PPP1R12C: variants seen among roughly 807,000 people sequenced by gnomAD.
PPP1R12C encodes the protein leukocyte receptor cluster (LRC) encoded novel gene 3.
A neutral mutation model predicts 95.6 loss-of-function variants in PPP1R12C; 48 were observed. The observed-to-expected ratio is 0.50, with a 90% CI of 0.40 to 0.64. PPP1R12C has a LOEUF of 0.64. PPP1R12C is among the 30% of genes least tolerant of loss of function. The pLI, the probability that PPP1R12C is intolerant of heterozygous loss-of-function variation, is 0.00. For missense variants in PPP1R12C, 1,057 were observed against 1,083.3 expected (o/e 0.98, Z 0.34); for synonymous variants, 480 against 460.8 (o/e 1.04, Z -0.53).
At chr19:55,095,405 G>A in intron 10 of PPP1R12C, 40 bp downstream of exon 10, 7 of 1,564,934 alleles carry the variant, frequency 4.5e-6, no homozygotes, top group Non-Finnish European at 6.1e-6. Context: ...CCTCGACTGG[G>A]CAGGGGCCTG....
At chr19:55,098,502 G>A (rs1054700799) in intron 6 of PPP1R12C, among the ~76,000 whole-genome samples, 1 of 152,366 alleles carries the variant, frequency 6.6e-6, no homozygotes, top group Non-Finnish European at 1.5e-5. Flanking sequence ...GAGGTGATGA[G>A]GTGTGCTAAG....
intron 3 of PPP1R12C, among the ~76,000 whole-genome samples, chr19:55,107,023 T>C (rs1005408902): frequency 6.6e-6 from 1 of 151,938 alleles, no homozygotes; most frequent in African/African-American, 2.4e-5. Context: ...AGCAGAGTGA[T>C]AGAGAGATGC....
chr19:55,101,239 T>G (rs1289032979), intron 4 of PPP1R12C, among the ~76,000 whole-genome samples: 1 of 151,986 alleles, frequency 6.6e-6, no homozygotes, highest in East Asian at 1.9e-4. Context: ...AGAGCGAGAC[T>G]CCATCTCAAA....
chr19:55,112,464 C>T lies in PPP1R12C; in HGVS notation c.571+3G>A, dbSNP rs2147212167. 1 of 1,609,894 alleles carries T rather than the reference C, an allele frequency of 6.2e-7. No homozygotes were observed. Among genetic ancestry groups the T allele is most frequent in the Non-Finnish European group, 8.5e-7 (1 of 1,179,286 alleles). ...ACCCCACACACAGCACACCAGAGCC[C>T]ACCTCGGCGGGCGATCTCCGCCTTC... is the stretch of plus-strand genomic sequence containing the variant. On this transcript the variant is annotated splice_donor_region_variant and intron_variant, in intron 3 of 21. Coordinates refer to ENST00000263433, the MANE Select transcript of PPP1R12C (RefSeq NM_017607.4).
At chr19:55,097,924 C>T (rs2084940294) in intron 6 of PPP1R12C, among the ~76,000 whole-genome samples, 1 of 152,236 alleles carries the variant, frequency 6.6e-6, no homozygotes, top group African/African-American at 2.4e-5. Flanking sequence ...GTGGCCCTCC[C>T]GGGTCTGCCC....
At chr19:55,093,305 C>G in intron 13 of PPP1R12C, 72 bp from the exon 14 acceptor site, 2 of 1,208,548 alleles carry the variant, frequency 1.7e-6, no homozygotes, top group Non-Finnish European at 1.2e-6. Flanking sequence ...GACCCAGGAG[C>G]CCAGGCCCCA....
At chr19:55,095,749 A>T in intron 9 of PPP1R12C, 118 bp downstream of exon 9, 1 of 1,522,248 alleles carries the variant, frequency 6.6e-7, no homozygotes, top group South Asian at 1.1e-5. Context: ...GTTGTCCAGG[A>T]CGACTCTGGG....
At chr19:55,102,120 CAACTTT>C (rs1399629499) in intron 4 of PPP1R12C, among the ~76,000 whole-genome samples, 2 of 152,130 alleles carry the variant, frequency 1.3e-5, no homozygotes, top group African/African-American at 4.8e-5. Context: ...CTGGAACCAA[CAACTTT>C]AATAGAAAGG....
rs2084861721 is a variant in PPP1R12C at position 55,092,795 on chromosome 19, C to A, written c.1899G>T (p.Arg633Ser). Residue 633 changes from arginine to serine, a missense_variant, in exon 16 of 22, where the codon AGG becomes AGT. By Grantham distance (110) the Arg-to-Ser change is moderately radical. Transcript: ENST00000263433. ...REHRKVGKEW[R>S]GPAEGEEAEP... Reference sequence around the variant, plus strand: ...CTGAGCCCCTCACCTCCGCAGGCCCCCTCCACTCCTTTCCGACCTTGCGGT... The same window carrying A: ...CTGAGCCCCTCACCTCCGCAGGCCCACTCCACTCCTTTCCGACCTTGCGGT... 1 of 1,559,480 alleles carries A rather than the reference C, an allele frequency of 6.4e-7. No individual in the cohort carries two copies. The highest frequency in any genetic ancestry group is 1.4e-5 in the African/African-American group (1 of 73,412).
rs2084910432 is a variant in PPP1R12C, at chr19:55,096,186, G to A, written c.1026-8C>T. ...AGACGACACACAGAGCTCCTGTTGG[G>A]GAAGGAGAGGGTGCTGGGGTACAAG... is the stretch of plus-strand genomic sequence containing the variant. On this transcript the variant is annotated splice_region_variant and splice_polypyrimidine_tract_variant and intron_variant, in intron 7 of 21. Coordinates refer to ENST00000263433, the MANE Select transcript of PPP1R12C (RefSeq NM_017607.4). 1.9e-6 allele frequency: 3 copies of A among 1,608,328 alleles called. No individual in the cohort carries two copies. The highest frequency in any genetic ancestry group is 2.7e-5 in the African/African-American group (2 of 74,750).
Position 55,113,439 on chromosome 19 carries a change from C to A in PPP1R12C, c.322-644G>T, listed in dbSNP as rs921413842. 10 of 1,501,120 alleles carry A rather than the reference C, an allele frequency of 6.7e-6. No individual in the cohort carries two copies. In the African/African-American group the frequency reaches 1.1e-4, roughly 17 times the overall value. 93.0% of individuals were successfully genotyped at this position (1,501,120 alleles called of 1,614,324 possible). A position where few individuals can be genotyped will look rare whatever the true frequency, so the allele number is the denominator to read the frequency against. ...GTCACACTCCAGTTCACTGAGGCCC[C>A]CTCTGCACGGGGCCCTGCAGCCAGG... On this transcript the variant is annotated intron_variant, in intron 1 of 21. Coordinates refer to ENST00000263433, the MANE Select transcript of PPP1R12C (RefSeq NM_017607.4).
Position 55,092,537 on chromosome 19 carries a change from C to T in PPP1R12C, c.1960G>A (p.Glu654Lys), listed in dbSNP as rs1188360638. 1 of 1,603,004 alleles carries T rather than the reference C, an allele frequency of 6.2e-7. No homozygotes were observed. The highest frequency in any genetic ancestry group is 8.5e-7 in the Non-Finnish European group (1 of 1,175,400). Residue 654 changes from glutamate (E) to lysine (K), a missense_variant, in exon 18 of 22, where the codon GAG becomes AAG. Coordinates refer to ENST00000263433, the MANE Select transcript of PPP1R12C (RefSeq NM_017607.4). Reference sequence around the variant, plus strand: ...TGCCTGCGGGCCGAGGGGCCGCCCTCCAGGGTGCTGGGGCAGGGGAGGAGC... The same window carrying T: ...TGCCTGCGGGCCGAGGGGCCGCCCTTCAGGGTGCTGGGGCAGGGGAGGAGC... ...ADRSQESSTLEGGPSARRQRW... is the reference protein window; with the variant it reads ...ADRSQESSTLKGGPSARRQRW...
At chr19:55,092,909 C>T (rs1431632164) in intron 15 of PPP1R12C, 41 bp from the exon 16 acceptor site, 2 of 1,597,036 alleles carry the variant, frequency 1.3e-6, no homozygotes, top group Admixed American at 1.8e-5. Context: ...CCTCCAGAGC[C>T]CCCTCTCGGT....
chr19:55,103,995 C>CA (rs35207330), intron 3 of PPP1R12C, among the ~76,000 whole-genome samples: 58,987 of 118,536 alleles, frequency 0.5, 14,612 homozygotes, highest in South Asian at 0.64. Flanking sequence ...ACTAAAACTA[C>CA]AAAAAAAAAA....
chr19:55,096,419 C>G (rs2084913515), intron 6 of PPP1R12C, 84 bp from the exon 7 acceptor site: 1 of 1,489,120 alleles, frequency 6.7e-7, no homozygotes, highest in South Asian at 1.1e-5. Context: ...TGTGCAGGAG[C>G]TCACTGCCCA....
At position 55,091,398 on chromosome 19, in the gene PPP1R12C, G is replaced by T; in HGVS notation, c.*74C>A. 7 of 1,416,918 alleles carry T rather than the reference G, an allele frequency of 4.9e-6. No homozygotes were observed. The highest frequency in any genetic ancestry group is 5.9e-6 in the Non-Finnish European group (6 of 1,021,266). 87.8% of individuals were successfully genotyped at this position (1,416,918 alleles called of 1,614,324 possible). ...GACTTCCCCCGGAGCCCTGTCACTCGTGTTCACACGGGGGAAGGGGTGCGT... is the reference window on the plus strand; with the variant it reads ...GACTTCCCCCGGAGCCCTGTCACTCTTGTTCACACGGGGGAAGGGGTGCGT... On this transcript the variant is annotated 3_prime_UTR_variant, in exon 22 of 22. Coordinates refer to ENST00000263433, the MANE Select transcript of PPP1R12C (RefSeq NM_017607.4).
chr19:55,110,630 T>C (rs2147208958), intron 3 of PPP1R12C, among the ~76,000 whole-genome samples: 1 of 152,242 alleles, frequency 6.6e-6, no homozygotes, highest in East Asian at 1.9e-4. Flanking sequence ...CCCAACACTT[T>C]GCGAGGCCGA....
intron 1 of PPP1R12C, chr19:55,113,208 G>T (rs1233720112): frequency 1.8e-5 from 9 of 505,036 alleles, no homozygotes; most frequent in Admixed American, 3.6e-5. Context: ...CTGGCCCCCA[G>T]CCCCTCCTGC....
rs775681286 is a variant in PPP1R12C at position 55,092,256 on chromosome 19, G to A, written c.2126C>T (p.Ala709Val). ...EALTETTLRL[A>V]QLKVELERAT... is the part of the protein sequence containing the mutation. ...CCGCTCCAGCTCCACCTTGAGCTGC[G>A]CCAGCCGCAGCGTGGTCTCGGTCAG... Residue 709 changes from alanine (A) to valine (V), a missense_variant, in exon 19 of 22, where the codon GCG becomes GTG. By Grantham distance (64) the Ala-to-Val change is moderately conservative. Transcript: ENST00000263433. The A allele has an allele frequency of 2.7e-5, 43 of 1,589,780 alleles. No homozygotes were observed. The East Asian group carries it at 3.2e-4, about 12-fold the overall frequency.
Sources: gnomAD v4.1 joint callset for allele counts (sites outside exome capture counted in the v4.1 genomes callset) on GRCh38, gnomAD v4.1.1 for gene constraint, MANE v1.5 for transcripts, NCBI Gene and HGNC (gene_info 2026-07-23, HGNC 2026-07-21) for gene names.